Variants in INVS observed in about 807,000 individuals in gnomAD.
The protein encoded by INVS is inversin.
A neutral mutation model predicts 108.8 loss-of-function variants in INVS; 86 were observed. The observed-to-expected ratio is 0.79, with a 90% CI of 0.66 to 0.95. The LOEUF (loss-of-function observed/expected upper bound fraction) is 0.95. Among genes scored for constraint, INVS ranks in the 40% least tolerant of loss-of-function variants. INVS has a pLI of 0.00. For missense variants in INVS, 1,169 were observed against 1,297.4 expected, an observed-to-expected ratio of 0.90 and a Z score of 1.52; for synonymous variants, 455 against 473.5, an observed-to-expected ratio of 0.96 and a Z score of 0.51.
chr9:100,296,985 G>T lies in INVS; in HGVS notation c.2855G>T (p.Arg952Ile). 1.2e-6 allele frequency: 2 copies of T among 1,614,146 alleles called. No individual in the cohort carries two copies. Among genetic ancestry groups the T allele is most frequent in the Non-Finnish European group, 1.7e-6 (2 of 1,180,012 alleles). Residue 952 changes from arginine to isoleucine, a missense_variant, in exon 15 of 17, where the codon AGA becomes ATA. By Grantham distance (97) the Arg-to-Ile change is moderately conservative. Transcript: ENST00000262457. Reference sequence around the variant, plus strand: ...CAGCTTGGAGCTGGAGATGTGGACAGATGGAGGCAAGAGTCTACAGCATTG... The same window carrying T: ...CAGCTTGGAGCTGGAGATGTGGACATATGGAGGCAAGAGTCTACAGCATTG... Reference protein sequence around the residue: ...MKQLGAGDVDRWRQESTALLL... With the variant: ...MKQLGAGDVDIWRQESTALLL...
intron 3 of INVS, among the ~76,000 whole-genome samples, chr9:100,219,984 G>T (rs1831097101): frequency 6.6e-6 from 1 of 151,960 alleles, no homozygotes; most frequent in Non-Finnish European, 1.5e-5. Flanking sequence ...AGGGAGAGAA[G>T]GTAATGGAAT....
Position 100,229,803 on chromosome 9 carries a change from T to A in INVS, c.591T>A (p.Ala197=). 6.2e-7 allele frequency: 1 copy of A among 1,614,178 alleles called. No individual in the cohort carries two copies. The highest frequency in any genetic ancestry group is 8.5e-7 in the Non-Finnish European group (1 of 1,180,004). Reference sequence around the variant, plus strand: ...CAGCCAACCATAAAGATCCAAGTGCTGTTCACACAGTGAGATGCATTCTGG... The same window carrying A: ...CAGCCAACCATAAAGATCCAAGTGCAGTTCACACAGTGAGATGCATTCTGG... ...HWAANHKDPS[A]VHTVRCILDA... Residue 197 remains alanine (A), a synonymous_variant, in exon 5 of 17, where the codon GCT becomes GCA. Transcript: ENST00000262457.
intron 2 of INVS, among the ~76,000 whole-genome samples, chr9:100,115,744 A>C (rs1235565904): frequency 6.6e-6 from 1 of 152,198 alleles, no homozygotes; most frequent in Non-Finnish European, 1.5e-5. Context: ...GAGTAGTGCC[A>C]CAGTAAACAT....
chr9:100,100,591 T>A (rs1826803260), intron 1 of INVS, among the ~76,000 whole-genome samples: 1 of 93,852 alleles, frequency 1.1e-5, no homozygotes, highest in Non-Finnish European at 2.0e-5. Flanking sequence ...ATATATATAA[T>A]ATATGTACAT....
At chr9:100,291,830 A>G (rs1221131361) in intron 13 of INVS, among the ~76,000 whole-genome samples, 1 of 152,178 alleles carries the variant, frequency 6.6e-6, no homozygotes, top group Non-Finnish European at 1.5e-5. Context: ...AATCTGGATT[A>G]TTTCCAAAAG....
At chr9:100,229,593 C>A in intron 4 of INVS, 67 bp from the exon 5 acceptor site, 1 of 1,424,614 alleles carries the variant, frequency 7.0e-7, no homozygotes, top group South Asian at 1.2e-5. Context: ...AGTGCCTGTC[C>A]CACAATAAAA....
intron 3 of INVS, among the ~76,000 whole-genome samples, chr9:100,205,860 A>G (rs1830660411): frequency 1.3e-5 from 2 of 152,108 alleles, no homozygotes; most frequent in Admixed American, 1.3e-4. Flanking sequence ...TTCTCTATAC[A>G]AAACAAAATT....
At chr9:100,222,047 C>T (rs1205746579) in intron 3 of INVS, among the ~76,000 whole-genome samples, 1 of 152,124 alleles carries the variant, frequency 6.6e-6, no homozygotes, top group Non-Finnish European at 1.5e-5. Context: ...TTATAACATT[C>T]TAACTATTTT....
intron 12 of INVS, among the ~76,000 whole-genome samples, chr9:100,280,228 G>A (rs545775520): frequency 5.3e-4 from 80 of 152,282 alleles, no homozygotes; most frequent in African/African-American, 1.9e-3. Flanking sequence ...ATGTGAAGCA[G>A]CGTTGTGTCT....
At chr9:100,219,008 A>G (rs1022229936) in intron 3 of INVS, among the ~76,000 whole-genome samples, 1 of 152,246 alleles carries the variant, frequency 6.6e-6, no homozygotes, top group South Asian at 2.1e-4. Flanking sequence ...TGCAGACAGA[A>G]ATTTCAAAAT....
chr9:100,292,403 C>T lies in INVS; in HGVS notation c.2146C>T (p.His716Tyr). ...CAATGAAGGCAGTGATGGAAGCAGG[C>T]ATCCAGGAGTTCCCTCTGTTGAGAA... ...RPNEGSDGSR[H>Y]PGVPSVEKSR... is the part of the protein sequence containing the mutation. The change falls in exon 14 of 17, where the codon CAT becomes TAT. Residue 716 changes from histidine (H) to tyrosine (Y), a missense_variant. By Grantham distance (83) the His-to-Tyr change is moderately conservative (BLOSUM62 2). Coordinates refer to ENST00000262457, the MANE Select transcript of INVS (RefSeq NM_014425.5). 1.2e-6 allele frequency: 2 copies of T among 1,614,182 alleles called. No individual in the cohort carries two copies. The highest frequency in any genetic ancestry group is 4.5e-5 in the East Asian group (2 of 44,874).
Position 100,297,365 on chromosome 9 carries a change from G to A in INVS, c.3016+219G>A, listed in dbSNP as rs546601578. ...TTCATTCCTGCCTCCCAGCGATACT[G>A]GGTCATAATTGTTTGGTTTCGTGAG... is the stretch of plus-strand genomic sequence containing the variant. On this transcript the variant is annotated intron_variant, in intron 15 of 16. Coordinates refer to ENST00000262457, the MANE Select transcript of INVS (RefSeq NM_014425.5). 9.9e-5 allele frequency among the ~76,000 whole-genome samples: 15 copies of A among 152,230 alleles called. No individual in the cohort carries two copies. In the South Asian group the frequency reaches 2.9e-3, roughly 30 times the overall value.
intron 10 of INVS, among the ~76,000 whole-genome samples, chr9:100,261,468 C>T (rs1296588318): frequency 6.6e-6 from 1 of 152,056 alleles, no homozygotes; most frequent in African/African-American, 2.4e-5. Context: ...CGGGGTTCAA[C>T]ATGTTAGCCA....
At chr9:100,148,537 G>A (rs1183814720) in intron 3 of INVS, among the ~76,000 whole-genome samples, 1 of 152,122 alleles carries the variant, frequency 6.6e-6, no homozygotes, top group Non-Finnish European at 1.5e-5. Context: ...TAGGCAACAA[G>A]CACCAGACAA....
At chr9:100,228,727 T>C (rs1831415180) in intron 4 of INVS, among the ~76,000 whole-genome samples, 1 of 152,216 alleles carries the variant, frequency 6.6e-6, no homozygotes, top group Admixed American at 6.5e-5. Context: ...TTCCTTTGTG[T>C]CCCAGAGCAG....
At chr9:100,182,086 C>G (rs1829905240) in intron 3 of INVS, among the ~76,000 whole-genome samples, 1 of 152,142 alleles carries the variant, frequency 6.6e-6, no homozygotes, top group South Asian at 2.1e-4. Flanking sequence ...AACTGGACCC[C>G]TTCCTTACAC....
intron 5 of INVS, among the ~76,000 whole-genome samples, chr9:100,232,434 A>C (rs946560414): frequency 1.3e-5 from 2 of 152,122 alleles, no homozygotes; most frequent in Non-Finnish European, 1.5e-5. Context: ...GCCCATGCCT[A>C]TGTCCTGAAT....
intron 10 of INVS, among the ~76,000 whole-genome samples, chr9:100,255,961 A>G (rs941290324): frequency 4.6e-5 from 7 of 152,050 alleles, no homozygotes; most frequent in African/African-American, 1.7e-4. Context: ...CTCTGTTTCT[A>G]TTGATTGGAA....
At chr9:100,206,900 C>T (rs1830692108) in intron 3 of INVS, among the ~76,000 whole-genome samples, 1 of 152,140 alleles carries the variant, frequency 6.6e-6, no homozygotes, top group Non-Finnish European at 1.5e-5. Context: ...CAGTAGCCTT[C>T]CTTTTTAATT....
Sources: allele counts gnomAD v4.1 joint callset (sites outside exome capture counted in the v4.1 genomes callset), GRCh38; gene constraint gnomAD v4.1.1; transcripts MANE v1.5; gene names NCBI Gene and HGNC (gene_info 2026-07-23, HGNC 2026-07-21).